Variants in SLC26A7 observed in about 807,000 individuals in gnomAD.
SLC26A7 encodes solute carrier family 26 member 7.
A neutral mutation model predicts 82.5 loss-of-function variants in SLC26A7; 59 were observed. The observed-to-expected ratio is 0.72, with a 90% CI of 0.58 to 0.89. The LOEUF (loss-of-function observed/expected upper bound fraction) is 0.89. SLC26A7 is among the 40% of genes least tolerant of loss of function. The probability of loss-of-function intolerance (pLI) is 0.00; values close to 1 mark genes in which losing one functional copy is unlikely to be tolerated. For synonymous variants in SLC26A7, 271 were observed against 274.3 expected, an observed-to-expected ratio of 0.99 and a Z score of 0.12; for missense variants, 820 against 793.0, an observed-to-expected ratio of 1.03 and a Z score of -0.41.
chr8:91,310,781 A>G (rs1812460102), intron 4 of SLC26A7, among the ~76,000 whole-genome samples: 1 of 152,020 alleles, frequency 6.6e-6, no homozygotes. Flanking sequence ...CAGACAGCCC[A>G]CTCCAAGGGA....
chr8:91,216,869 A>G (rs1024021762), intron 1 of SLC26A7, among the ~76,000 whole-genome samples: 11 of 152,208 alleles, frequency 7.2e-5, no homozygotes, highest in African/African-American at 2.6e-4. Flanking sequence ...TTTATAGTTT[A>G]TACTGTATTG....
chr8:91,380,511 A>T (rs1331030288), intron 15 of SLC26A7, among the ~76,000 whole-genome samples: 1 of 152,164 alleles, frequency 6.6e-6, no homozygotes, highest in African/African-American at 2.4e-5. Context: ...CTCCTGACTG[A>T]ATTTATATGC....
At chr8:91,342,210 A>C (rs1813440239) in intron 8 of SLC26A7, among the ~76,000 whole-genome samples, 1 of 152,108 alleles carries the variant, frequency 6.6e-6, no homozygotes, top group Admixed American at 6.5e-5. Flanking sequence ...GATTGCAGGC[A>C]TGAGCCACCG....
rs570394408 is a variant in SLC26A7 at position 91,278,139 on chromosome 8, T to A, written c.194-10997T>A. Among the ~76,000 whole-genome samples, 11 of 152,264 alleles carry A rather than the reference T, an allele frequency of 7.2e-5. No homozygotes were observed. In the South Asian group the frequency reaches 2.3e-3, roughly 32 times the overall value. On this transcript the variant is annotated intron_variant, in intron 2 of 18. Coordinates refer to ENST00000276609, the MANE Select transcript of SLC26A7 (RefSeq NM_052832.4). ...CTCACTCTCTTATTGGTCAAAGTTT[T>A]ATTCCTTGGGTGCTCCTCTGAGTTG...
chr8:91,269,934 T>A (rs1288834111), intron 2 of SLC26A7, among the ~76,000 whole-genome samples: 3 of 152,168 alleles, frequency 2.0e-5, no homozygotes, highest in South Asian at 4.1e-4. Flanking sequence ...TCTCTTTTTT[T>A]AAATTGTTTG....
At chr8:91,228,483 C>T (rs578178826) in intron 2 of SLC26A7, among the ~76,000 whole-genome samples, 1 of 152,308 alleles carries the variant, frequency 6.6e-6, no homozygotes, top group Non-Finnish European at 1.5e-5. Context: ...TAAAGGTGAG[C>T]AAGCTGGTCA....
At chr8:91,369,724 T>A in intron 14 of SLC26A7, 61 bp from the exon 15 acceptor site, 2 of 1,274,876 alleles carry the variant, frequency 1.6e-6, no homozygotes, top group Non-Finnish European at 2.2e-6. Flanking sequence ...TTATGTGATT[T>A]TTTTCAGACA....
chr8:91,235,040 C>T (rs1236176136), intron 2 of SLC26A7, among the ~76,000 whole-genome samples: 1 of 152,120 alleles, frequency 6.6e-6, no homozygotes, highest in Non-Finnish European at 1.5e-5. Flanking sequence ...CCACCTCAGC[C>T]TCCTGACTAG....
At chr8:91,334,110 G>C (rs929788840) in intron 5 of SLC26A7, among the ~76,000 whole-genome samples, 185 bp from the exon 6 acceptor site, 5 of 152,180 alleles carry the variant, frequency 3.3e-5, no homozygotes, top group African/African-American at 9.6e-5. Flanking sequence ...CAAGGGTACA[G>C]AAATTTTGTA....
In SLC26A7 at chr8:91,252,948, C is replaced by A. The variant is rs528132463; in HGVS notation, c.193+3104C>A. 3.3e-5 allele frequency among the ~76,000 whole-genome samples: 5 copies of A among 151,714 alleles called. No individual in the cohort carries two copies. In the South Asian group the frequency reaches 1.0e-3, roughly 32 times the overall value. ...GAGGTAGCATTGACTCTATCAGCAGCCTTGGTTCCTGAGTGACCTTGGAGA... is the reference window on the plus strand; with the variant it reads ...GAGGTAGCATTGACTCTATCAGCAGACTTGGTTCCTGAGTGACCTTGGAGA... On this transcript the variant is annotated intron_variant, in intron 2 of 18. Transcript: ENST00000276609.
At chr8:91,385,861 A>G (rs192607042) in intron 15 of SLC26A7, among the ~76,000 whole-genome samples, 1 of 152,322 alleles carries the variant, frequency 6.6e-6, no homozygotes, top group East Asian at 1.9e-4. Flanking sequence ...AGGAACAAAA[A>G]CTTGTTTAAG....
At chr8:91,348,708 TG>T (rs1424948452) in intron 9 of SLC26A7, among the ~76,000 whole-genome samples, 12 of 123,308 alleles carry the variant, frequency 9.7e-5, no homozygotes, top group Non-Finnish European at 9.0e-5. Context: ...GAGCTAGTTT[TG>T]TTTTTTTTTT....
intron 2 of SLC26A7, among the ~76,000 whole-genome samples, chr8:91,243,837 A>G (rs1004678620): frequency 6.6e-6 from 1 of 152,236 alleles, no homozygotes; most frequent in African/African-American, 2.4e-5. Context: ...TAAATAAAGC[A>G]CAGGTCATCA....
chr8:91,322,116 A>G (rs891038104), intron 5 of SLC26A7, among the ~76,000 whole-genome samples: 1 of 152,188 alleles, frequency 6.6e-6, no homozygotes, highest in African/African-American at 2.4e-5. Context: ...CAGATTTTAA[A>G]AAAGACTAAA....
intron 5 of SLC26A7, among the ~76,000 whole-genome samples, chr8:91,325,016 G>T (rs1812895914): frequency 6.6e-6 from 1 of 152,160 alleles, no homozygotes; most frequent in Non-Finnish European, 1.5e-5. Context: ...CAGAAATTTT[G>T]TGATTCTATT....
In SLC26A7 at chr8:91,235,455, C is replaced by T. The variant is rs931517887; in HGVS notation, c.-33-14164C>T. Among the ~76,000 whole-genome samples the T allele has an allele frequency of 2.6e-5, 4 of 151,674 alleles. 1 individual carries two copies. In the East Asian group the frequency reaches 5.8e-4, roughly 22 times the overall value. ...ATATCTTTACTCATTTAGATCAAGA[C>T]GAAAAGAGAAAAATCAGAATTCCCA... On this transcript the variant is annotated intron_variant, in intron 2 of 5. Transcript: ENST00000522862.
intron 2 of SLC26A7, among the ~76,000 whole-genome samples, chr8:91,222,137 G>A (rs1810168952): frequency 6.6e-6 from 1 of 152,108 alleles, no homozygotes. Flanking sequence ...TGTAGCAATT[G>A]TGAATGGGAG....
chr8:91,335,073 A>C (rs1403583065), intron 6 of SLC26A7, among the ~76,000 whole-genome samples: 37 of 152,284 alleles, frequency 2.4e-4, no homozygotes, highest in African/African-American at 8.7e-4. Flanking sequence ...TAACTATACA[A>C]AGCATTAAGT....
At chr8:91,282,672 G>T (rs1231642730) in intron 2 of SLC26A7, among the ~76,000 whole-genome samples, 4 of 152,162 alleles carry the variant, frequency 2.6e-5, no homozygotes, top group African/African-American at 9.7e-5. Flanking sequence ...GAAACAGAAG[G>T]TCTCGTAGGT....
Sources: allele counts gnomAD v4.1 joint callset (sites outside exome capture counted in the v4.1 genomes callset), GRCh38; gene constraint gnomAD v4.1.1; transcripts MANE v1.5; gene names NCBI Gene and HGNC (gene_info 2026-07-23, HGNC 2026-07-21).